Variants in PLXDC2 observed in about 807,000 individuals in gnomAD.
The protein encoded by PLXDC2 is plexin domain-containing protein 2.
PLXDC2 carries 40 observed loss-of-function variants against 68.9 expected under a neutral mutation model. That is an observed-to-expected ratio of 0.58 (90% confidence interval 0.45 to 0.76). The LOEUF (loss-of-function observed/expected upper bound fraction) is 0.76, where lower values mean the gene tolerates loss of function less well. Among genes scored for constraint, PLXDC2 ranks in the 30% least tolerant of loss-of-function variants. The pLI is 0.00. For missense variants in PLXDC2, 644 were observed against 661.9 expected (o/e 0.97, Z 0.30); for synonymous variants, 243 against 234.2 (o/e 1.04, Z -0.34).
In PLXDC2 at chr10:20,105,855, C is replaced by T. The variant is rs193252412; in HGVS notation, c.542-37440C>T. On this transcript the variant is annotated intron_variant, in intron 4 of 13. Transcript: ENST00000377252. ...TGCTCTCTAGTGATGTGGACGAGAG[C>T]ATTATTTAATCTCCACAGATTAATT... Among the ~76,000 whole-genome samples the T allele has an allele frequency of 7.6e-4, 115 of 152,300 alleles. 1 individual carries two copies. Among genetic ancestry groups the T allele is most frequent in the African/African-American group, 2.7e-3 (113 of 41,570 alleles).
chr10:19,881,410 C>G (rs1837725331), intron 1 of PLXDC2, among the ~76,000 whole-genome samples: 1 of 152,212 alleles, frequency 6.6e-6, no homozygotes, highest in African/African-American at 2.4e-5. Flanking sequence ...GCCACTGCGC[C>G]TGGCCGCCAA....
intron 1 of PLXDC2, among the ~76,000 whole-genome samples, chr10:19,898,013 A>G (rs199518835): frequency 6.6e-6 from 1 of 152,316 alleles, no homozygotes; most frequent in East Asian, 1.9e-4. Context: ...TCATTAAGAA[A>G]TTATTTTATC....
At position 19,834,549 on chromosome 10, in the gene PLXDC2, CTGTT is replaced by C. The variant is rs1010449499; in HGVS notation, c.112+17363_112+17366del. 3.3e-5 allele frequency among the ~76,000 whole-genome samples: 5 copies of C among 152,196 alleles called. 1 individual carries two copies. The highest frequency in any genetic ancestry group is 7.2e-5 in the African/African-American group (3 of 41,442). On this transcript the variant is annotated intron_variant, in intron 1 of 13. Coordinates refer to ENST00000377252, the MANE Select transcript of PLXDC2 (RefSeq NM_032812.9). The stretch of plus-strand genomic sequence containing the variant: ...ATTTCAATACACATCTGGCAATAGA[CTGTT>C]TGTTAATATTATCAGACATTAGTAA...
chr10:19,989,673 G>T (rs995192952), intron 1 of PLXDC2, among the ~76,000 whole-genome samples: 1 of 151,308 alleles, frequency 6.6e-6, no homozygotes, highest in Non-Finnish European at 1.5e-5. Context: ...CCTTTTTAAT[G>T]ATTTATTTTT....
At chr10:19,883,912 A>G (rs1237698025) in intron 1 of PLXDC2, among the ~76,000 whole-genome samples, 4 of 8,938 alleles carry the variant, frequency 4.5e-4, no homozygotes, top group African/African-American at 3.5e-3. Context: ...TTTTTTTTTT[A>G]GCAGACAGGA....
chr10:20,236,271 G>T (rs1194294255), intron 12 of PLXDC2, among the ~76,000 whole-genome samples: 1 of 151,822 alleles, frequency 6.6e-6, no homozygotes, highest in Non-Finnish European at 1.5e-5. Context: ...GTGAAAGCCC[G>T]TCTCTACTAA....
At chr10:19,966,669 T>C (rs947632258) in intron 1 of PLXDC2, among the ~76,000 whole-genome samples, 1 of 152,142 alleles carries the variant, frequency 6.6e-6, no homozygotes, top group Non-Finnish European at 1.5e-5. Context: ...TTCCTTTTCC[T>C]TCCCTTCACC....
intron 12 of PLXDC2, among the ~76,000 whole-genome samples, chr10:20,230,181 A>G (rs1017253333): frequency 6.6e-6 from 1 of 152,206 alleles, no homozygotes; most frequent in Non-Finnish European, 1.5e-5. Context: ...AGCCAGATCC[A>G]ACTCTATGCT....
chr10:20,225,205 C>A (rs1415900684), intron 12 of PLXDC2, among the ~76,000 whole-genome samples: 1 of 152,098 alleles, frequency 6.6e-6, no homozygotes, highest in Non-Finnish European at 1.5e-5. Flanking sequence ...AATTTTAGAA[C>A]ATTATTCTGC....
At chr10:20,271,834 G>A (rs1211468071) in intron 13 of PLXDC2, among the ~76,000 whole-genome samples, 1 of 152,166 alleles carries the variant, frequency 6.6e-6, no homozygotes, top group African/African-American at 2.4e-5. Context: ...GGTGAGGTAG[G>A]AGAAATGTAG....
chr10:20,236,214 G>C (rs1169271161), intron 12 of PLXDC2, among the ~76,000 whole-genome samples: 1 of 152,068 alleles, frequency 6.6e-6, no homozygotes, highest in African/African-American at 2.4e-5. Flanking sequence ...GGCTGAGGCA[G>C]GTGGATCACC....
intron 12 of PLXDC2, among the ~76,000 whole-genome samples, chr10:20,228,851 A>G (rs1248498250): frequency 1.3e-5 from 2 of 152,202 alleles, no homozygotes; most frequent in Non-Finnish European, 2.9e-5. Context: ...TCAATGCTGC[A>G]GACAAGTCAA....
intron 1 of PLXDC2, among the ~76,000 whole-genome samples, chr10:19,863,103 A>T (rs752275446): frequency 1.3e-5 from 2 of 152,196 alleles, no homozygotes; most frequent in African/African-American, 2.4e-5. Context: ...TGTAAAATGA[A>T]CCACCTCACT....
chr10:20,132,518 A>G (rs973616935), intron 4 of PLXDC2, among the ~76,000 whole-genome samples: 2 of 152,040 alleles, frequency 1.3e-5, no homozygotes, highest in African/African-American at 4.8e-5. Context: ...TGCTTTATAT[A>G]TTTATGTTCT....
chr10:20,230,533 A>C (rs1011649492), intron 12 of PLXDC2, among the ~76,000 whole-genome samples: 6 of 151,336 alleles, frequency 4.0e-5, no homozygotes, highest in Admixed American at 6.6e-5. Flanking sequence ...TTAGCCGAGC[A>C]TGGTGGCGTG....
At chr10:20,120,058 G>A (rs946835433) in intron 4 of PLXDC2, among the ~76,000 whole-genome samples, 7 of 152,160 alleles carry the variant, frequency 4.6e-5, no homozygotes, top group African/African-American at 1.7e-4. Flanking sequence ...GATATCAGCT[G>A]TGATGGCTTG....
intron 1 of PLXDC2, among the ~76,000 whole-genome samples, chr10:19,991,921 T>C (rs1834757990): frequency 6.6e-6 from 1 of 152,210 alleles, no homozygotes; most frequent in African/African-American, 2.4e-5. Context: ...CCATCTCCCC[T>C]GGTTGGCGGA....
intron 4 of PLXDC2, among the ~76,000 whole-genome samples, chr10:20,083,726 T>G (rs1162406624): frequency 1.3e-5 from 2 of 152,196 alleles, no homozygotes; most frequent in Non-Finnish European, 2.9e-5. Flanking sequence ...TATAAATTGC[T>G]GATAAAATTG....
At chr10:20,063,123 A>G (rs1836135111) in intron 3 of PLXDC2, among the ~76,000 whole-genome samples, 1 of 152,184 alleles carries the variant, frequency 6.6e-6, no homozygotes, top group Non-Finnish European at 1.5e-5. Context: ...TAAAAATAGA[A>G]TATTAAAATA....
Sources: gnomAD v4.1 joint callset for allele counts (sites outside exome capture counted in the v4.1 genomes callset) on GRCh38, gnomAD v4.1.1 for gene constraint, MANE v1.5 for transcripts, NCBI Gene and HGNC (gene_info 2026-07-23, HGNC 2026-07-21) for gene names.